The following CFAP157 variants were observed in gnomAD, a reference collection of about 807,000 sequenced individuals.
CFAP157 encodes cilia- and flagella-associated protein 157.
Under a neutral mutation model 57.8 loss-of-function variants are expected in CFAP157, and 43 were observed. The ratio of observed to expected loss-of-function variants is 0.74; its 90% CI spans 0.58 to 0.96. The LOEUF (loss-of-function observed/expected upper bound fraction) is 0.96, where lower values mean the gene tolerates loss of function less well. Among genes scored for constraint, CFAP157 ranks in the 40% least tolerant of loss-of-function variants. The pLI is 0.00. For synonymous variants in CFAP157, 267 were observed against 269.0 expected (o/e 0.99, Z 0.07); for missense variants, 606 against 655.3 (o/e 0.92, Z 0.82).
Position 127,714,762 on chromosome 9 carries a change from C to T in CFAP157, c.*857C>T. ...CCATCTGCCCAGAGAGGCACTGTCC[C>T]GACTCCCATGATGAGGGACCACAAC... is the stretch of plus-strand genomic sequence containing the variant. On this transcript the variant is annotated 3_prime_UTR_variant, in exon 9 of 9. Transcript: ENST00000373295. 7.1e-7 allele frequency: 1 copy of T among 1,413,022 alleles called. No homozygotes were observed. Among genetic ancestry groups the T allele is most frequent in the Non-Finnish European group, 9.8e-7 (1 of 1,016,038 alleles). The allele number at this position is 1,413,022 out of a possible 1,614,324, so 87.5% of individuals were successfully genotyped here. A position where few individuals can be genotyped will look rare whatever the true frequency, so the allele number is the denominator to read the frequency against.
Position 127,715,447 on chromosome 9 carries a change from C to G in CFAP157, c.*1542C>G, listed in dbSNP as rs754601933. 8 of 1,543,046 alleles carry G rather than the reference C, an allele frequency of 5.2e-6. No individual in the cohort carries two copies. The Middle Eastern group carries it at 5.0e-4, about 97-fold the overall frequency. Reference sequence around the variant, plus strand: ...GCACTGAACTCACCAGTTAAGAAAACAGAGCAGCAATTTGGGGGCACTCGG... The same window carrying G: ...GCACTGAACTCACCAGTTAAGAAAAGAGAGCAGCAATTTGGGGGCACTCGG... On this transcript the variant is annotated 3_prime_UTR_variant, in exon 9 of 9. Coordinates refer to ENST00000373295, the MANE Select transcript of CFAP157 (RefSeq NM_001012502.3). This position sits in a 1 kb window ranked among gnomAD's most constrained non-coding sequence, Gnocchi z 5.8.
chr9:127,711,880 G>A lies in CFAP157; in HGVS notation c.916G>A (p.Glu306Lys), dbSNP rs750380061. The change falls in exon 5 of 9, where the codon GAG becomes AAG. Residue 306 changes from glutamate (E) to lysine (K), a missense_variant. By Grantham distance (56) the Glu-to-Lys change is moderately conservative. Transcript: ENST00000373295. ...EQQQDTKEAE[E>K]LRLLLSQLEQ... is the part of the protein sequence containing the mutation. ...GCAGCAGGACACCAAGGAGGCCGAG[G>A]AGCTGCGCCTCCTGCTGAGCCAGTT... 2.8e-5 allele frequency: 44 copies of A among 1,592,948 alleles called. No homozygotes were observed. The highest frequency in any genetic ancestry group is 3.4e-5 in the Non-Finnish European group (40 of 1,170,992).
At chr9:127,712,485 C>T (rs1339276879) in intron 6 of CFAP157, 136 bp downstream of exon 6, 11 of 1,455,354 alleles carry the variant, frequency 7.6e-6, no homozygotes, top group South Asian at 6.8e-5. Context: ...GTCTGTCCTT[C>T]GCTGATTCTG....
Position 127,715,871 on chromosome 9 carries a change from C to A in CFAP157, c.*1966C>A, listed in dbSNP as rs1842969735. On this transcript the variant is annotated 3_prime_UTR_variant, in exon 9 of 9. Coordinates refer to ENST00000373295, the MANE Select transcript of CFAP157 (RefSeq NM_001012502.3). The surrounding 1 kb of genome is among the most constrained non-coding windows in gnomAD (Gnocchi z 5.8). ...CGGGACTTGTGTGGGACGCTCGGAG[C>A]TCTTGCTTGACCTTCGGTTGGGAGG... The A allele has an allele frequency of 1.1e-6, 1 of 883,064 alleles. No individual in the cohort carries two copies. Among genetic ancestry groups the A allele is most frequent in the Non-Finnish European group, 1.7e-6 (1 of 587,028 alleles). 54.7% of individuals were successfully genotyped at this position (883,064 alleles called of 1,614,324 possible).
At position 127,715,557 on chromosome 9, in the gene CFAP157, C is replaced by T. The variant is rs913434290; in HGVS notation, c.*1652C>T. 2 of 1,613,592 alleles carry T rather than the reference C, an allele frequency of 1.2e-6. No homozygotes were observed. Among genetic ancestry groups the T allele is most frequent in the Admixed American group, 1.7e-5 (1 of 60,032 alleles). On this transcript the variant is annotated 3_prime_UTR_variant, in exon 9 of 9. Transcript: ENST00000373295. This position sits in a 1 kb window ranked among gnomAD's most constrained non-coding sequence, Gnocchi z 5.8. ...CACGCCACTCACCATCCACCGCTTC[C>T]CCGGGGGGCGAGGCTCCAAAACACA...
rs746565177 is a variant in CFAP157, at chr9:127,714,636, C to T, written c.*731C>T. On this transcript the variant is annotated 3_prime_UTR_variant, in exon 9 of 9. Transcript: ENST00000373295. ...GCCCCCCAGCTTCAGAGCCAGTCTC[C>T]CCAGGGGCTTGTCCAGCTCATCATG... The T allele has an allele frequency of 1.9e-6, 3 of 1,614,030 alleles. No individual in the cohort carries two copies. The highest frequency in any genetic ancestry group is 2.5e-6 in the Non-Finnish European group (3 of 1,179,968).
rs1484853450 is a variant in CFAP157, at chr9:127,715,393, G to C, written c.*1488G>C. On this transcript the variant is annotated 3_prime_UTR_variant, in exon 9 of 9. Transcript: ENST00000373295. This position sits in a 1 kb window ranked among gnomAD's most constrained non-coding sequence, Gnocchi z 5.8. ...AGGCAGGGCGCCCTAGTGCAGGAAC[G>C]GAGCTTCAAGAAGTTTGGAGCCCGT... is the stretch of plus-strand genomic sequence containing the variant. The C allele has an allele frequency of 2.3e-6, 3 of 1,317,174 alleles. No individual in the cohort carries two copies. Among genetic ancestry groups the C allele is most frequent in the South Asian group, 1.3e-5 (1 of 79,754 alleles). The allele number at this position is 1,317,174 out of a possible 1,614,324, so 81.6% of individuals were successfully genotyped here.
chr9:127,715,255 G>C lies in CFAP157; in HGVS notation c.*1350G>C. The stretch of plus-strand genomic sequence containing the variant: ...CTCTCGCCACCCCCGATCTCACAGC[G>C]TCCCGTGGGCCCCAACGCAGAGGAG... On this transcript the variant is annotated 3_prime_UTR_variant, in exon 9 of 9. Coordinates refer to ENST00000373295, the MANE Select transcript of CFAP157 (RefSeq NM_001012502.3). The surrounding 1 kb of genome is among the most constrained non-coding windows in gnomAD (Gnocchi z 5.8). 6.7e-7 allele frequency: 1 copy of C among 1,487,220 alleles called. No homozygotes were observed. The highest frequency in any genetic ancestry group is 9.1e-7 in the Non-Finnish European group (1 of 1,102,786). 92.1% of individuals were successfully genotyped at this position (1,487,220 alleles called of 1,614,324 possible).
In CFAP157 at chr9:127,713,502, T is replaced by C. The variant is rs1483111877; in HGVS notation, c.1491+296T>C. ...CTTCCAAGCCAGCATCTTTCTTTTT[T>C]TTTTTTTTTTTTTTTTTTTTTTGAG... On this transcript the variant is annotated intron_variant, in intron 8 of 8. Coordinates refer to ENST00000373295, the MANE Select transcript of CFAP157 (RefSeq NM_001012502.3). 3.7e-5 allele frequency: 9 copies of C among 240,330 alleles called. No homozygotes were observed. In the South Asian group the frequency reaches 6.4e-4, roughly 17 times the overall value. 14.9% of individuals were successfully genotyped at this position (240,330 alleles called of 1,614,324 possible). A position where few individuals can be genotyped will look rare whatever the true frequency, so the allele number is the denominator to read the frequency against.
chr9:127,712,425 G>A, intron 6 of CFAP157, 76 bp downstream of exon 6: 9 of 1,564,202 alleles, frequency 5.8e-6, no homozygotes, highest in Non-Finnish European at 7.8e-6. Flanking sequence ...GCAGAGAAGG[G>A]GCTGCCTCAG....
Position 127,714,941 on chromosome 9 carries a change from G to GGCCCCCCCCCCCCCCCCCCCCCCCC in CFAP157, c.*1036_*1037insGCCCCCCCCCCCCCCCCCCCCCCCC. Reference sequence around the variant, plus strand: ...CCGCGCCCCAACCCCCACCCCCTTGGCCCGCCCGCCCACCCCTGGCGCTCT... The same window carrying GGCCCCCCCCCCCCCCCCCCCCCCCC: ...CCGCGCCCCAACCCCCACCCCCTTGGGCCCCCCCCCCCCCCCCCCCCCCCCCCCGCCCGCCCACCCCTGGCGCTCT... On this transcript the variant is annotated 3_prime_UTR_variant, in exon 9 of 9. Transcript: ENST00000373295. The GGCCCCCCCCCCCCCCCCCCCCCCCC allele has an allele frequency of 6.7e-6, 3 of 446,374 alleles. No individual in the cohort carries two copies. The highest frequency in any genetic ancestry group is 2.1e-5 in the African/African-American group (1 of 47,382). The allele number at this position is 446,374 out of a possible 1,614,324, so 27.7% of individuals were successfully genotyped here.
chr9:127,715,675 T>C lies in CFAP157; in HGVS notation c.*1770T>C, dbSNP rs1466808232. On this transcript the variant is annotated 3_prime_UTR_variant, in exon 9 of 9. Transcript: ENST00000373295. The surrounding 1 kb of genome is among the most constrained non-coding windows in gnomAD (Gnocchi z 5.8). ...TTCACTCCGACACCGCCCCCTGACG[T>C]CATCACCCCGCAGCAGCCAATCGTG... is the stretch of plus-strand genomic sequence containing the variant. 2 of 1,599,860 alleles carry C rather than the reference T, an allele frequency of 1.3e-6. No homozygotes were observed. The highest frequency in any genetic ancestry group is 2.7e-5 in the African/African-American group (2 of 74,838).
intron 1 of CFAP157, among the ~76,000 whole-genome samples, chr9:127,708,876 T>G (rs1316668005): frequency 6.6e-6 from 1 of 152,162 alleles, no homozygotes; most frequent in East Asian, 1.9e-4. Flanking sequence ...GTACAAAGAC[T>G]TGGGATTGGA....
Position 127,714,953 on chromosome 9 carries a change from ACCCC to A in CFAP157, c.*1049_*1052del. 1.5e-5 allele frequency: 2 copies of A among 136,768 alleles called. No individual in the cohort carries two copies. Among genetic ancestry groups the A allele is most frequent in the Non-Finnish European group, 2.5e-5 (2 of 81,026 alleles). The allele number at this position is 136,768 out of a possible 1,614,324, so 8.5% of individuals were successfully genotyped here. A position where few individuals can be genotyped will look rare whatever the true frequency, so the allele number is the denominator to read the frequency against. ...CCCCACCCCCTTGGCCCGCCCGCCC[ACCCC>A]TGGCGCTCTCAACTCACCAGCCCGG... On this transcript the variant is annotated 3_prime_UTR_variant, in exon 9 of 9. Coordinates refer to ENST00000373295, the MANE Select transcript of CFAP157 (RefSeq NM_001012502.3).
intron 5 of CFAP157, 81 bp downstream of exon 5, chr9:127,712,031 C>A: frequency 6.5e-7 from 1 of 1,529,200 alleles, no homozygotes; most frequent in Non-Finnish European, 8.8e-7. Flanking sequence ...ATCCCACGAC[C>A]CAGGCCAGTG....
rs201004785 is a variant in CFAP157, at chr9:127,710,928, A to G, written c.587+174A>G. Among the ~76,000 whole-genome samples the G allele has an allele frequency of 5.7e-4, 86 of 152,208 alleles. 1 individual carries two copies. Among genetic ancestry groups the G allele is most frequent in the South Asian group, 4.6e-3 (22 of 4,820 alleles). On this transcript the variant is annotated intron_variant, in intron 3 of 8. Transcript: ENST00000373295. ...GCTGGTGATTATGGAGGGGTGGGAG[A>G]AAAGGAATAAGCTCCCAGCTGCAGT...
In CFAP157 at chr9:127,710,599, A is replaced by AG; in HGVS notation, c.438dup. 2.5e-6 allele frequency: 4 copies of AG among 1,578,472 alleles called. No homozygotes were observed. The highest frequency in any genetic ancestry group is 1.8e-5 in the Admixed American group (1 of 54,522). On this transcript the variant is annotated splice_acceptor_variant, in intron 2 of 8. Coordinates refer to ENST00000373295, the MANE Select transcript of CFAP157 (RefSeq NM_001012502.3). LOFTEE classifies it high-confidence loss of function. ...TTGGGCCTTGTGCGCTGTGGCGGCC[A>AG]GGGGGGAAGCTGGCAGCCCTGGAGG...
In CFAP157 at chr9:127,714,854, G is replaced by T; in HGVS notation, c.*949G>T. 9.7e-7 allele frequency: 1 copy of T among 1,033,982 alleles called. No individual in the cohort carries two copies. The highest frequency in any genetic ancestry group is 1.4e-6 in the Non-Finnish European group (1 of 708,000). The allele number at this position is 1,033,982 out of a possible 1,614,324, so 64.1% of individuals were successfully genotyped here. A position where few individuals can be genotyped will look rare whatever the true frequency, so the allele number is the denominator to read the frequency against. Reference sequence around the variant, plus strand: ...TACCCAAAGCCATGCAGCAACTGGAGCTCAACAGGTACTTGGAGGTGAACC... The same window carrying T: ...TACCCAAAGCCATGCAGCAACTGGATCTCAACAGGTACTTGGAGGTGAACC... On this transcript the variant is annotated 3_prime_UTR_variant, in exon 9 of 9. Coordinates refer to ENST00000373295, the MANE Select transcript of CFAP157 (RefSeq NM_001012502.3).
At position 127,711,954 on chromosome 9, in the gene CFAP157, C is replaced by T. The variant is rs768261425; in HGVS notation, c.986+4C>T. 3.2e-5 allele frequency: 51 copies of T among 1,604,704 alleles called. No homozygotes were observed. Among genetic ancestry groups the T allele is most frequent in the South Asian group, 6.7e-5 (6 of 89,132 alleles). On this transcript the variant is annotated splice_donor_region_variant and intron_variant, in intron 5 of 8. Transcript: ENST00000373295. ...AGGTGGATAACCAGGCACTGAAGTG[C>T]GTATGGCCCACGGAGGGGCGGGCGG... is the stretch of plus-strand genomic sequence containing the variant.
Sources: gnomAD v4.1 joint callset for allele counts (sites outside exome capture counted in the v4.1 genomes callset) on GRCh38, gnomAD v4.1.1 for gene constraint, Gnocchi (gnomAD v3.1) non-coding constraint, MANE v1.5 for transcripts, NCBI Gene and HGNC (gene_info 2026-07-23, HGNC 2026-07-21) for gene names.